The following LINGO2 variants were observed in gnomAD, a reference collection of about 807,000 sequenced individuals.
LINGO2 encodes leucine-rich repeat and immunoglobulin-like domain-containing nogo receptor-interacting protein 2.
In LINGO2, 14 loss-of-function variants were observed where a neutral mutation model predicts 30.6. The ratio of observed to expected loss-of-function variants is 0.46; its 90% CI spans 0.30 to 0.72. The LOEUF (loss-of-function observed/expected upper bound fraction) is 0.72. Ranked by LOEUF, LINGO2 falls within the 30% of genes least tolerant of loss-of-function variation. LINGO2 has a pLI of 0.07. For missense variants in LINGO2, 729 were observed against 751.7 expected, an observed-to-expected ratio of 0.97 and a Z score of 0.35; for synonymous variants, 317 against 288.5, an observed-to-expected ratio of 1.10 and a Z score of -1.00.
the LINGO2 span, among the ~76,000 whole-genome samples, chr9:28,999,651 C>T: frequency 1.3e-5 from 2 of 151,842 alleles, no homozygotes; most frequent in East Asian, 3.9e-4. Flanking sequence ...TTAAATCCTG[C>T]AAAATCTATT....
At chr9:28,906,865 T>C in the LINGO2 span, among the ~76,000 whole-genome samples, 1 of 151,824 alleles carries the variant, frequency 6.6e-6, no homozygotes, top group African/African-American at 2.4e-5. Context: ...ATCAAAAAGC[T>C]TTCATTTTCT....
At chr9:29,072,341 G>A in the LINGO2 span, among the ~76,000 whole-genome samples, 1 of 151,636 alleles carries the variant, frequency 6.6e-6, no homozygotes, top group Non-Finnish European at 1.5e-5. Context: ...GACAGCGAAT[G>A]GAAACATAAG....
intron 3 of LINGO2, among the ~76,000 whole-genome samples, chr9:28,365,903 T>C (rs1343629874): frequency 2.6e-5 from 4 of 152,176 alleles, no homozygotes; most frequent in African/African-American, 9.6e-5. Flanking sequence ...GGTCTGTCTG[T>C]GTGTGACTAA....
intron 1 of LINGO2, among the ~76,000 whole-genome samples, chr9:28,546,890 G>A (rs1821979409): frequency 6.6e-6 from 1 of 151,992 alleles, no homozygotes; most frequent in African/African-American, 2.4e-5. Flanking sequence ...ATGATAATGA[G>A]GACAAATCTC....
intron 2 of LINGO2, among the ~76,000 whole-genome samples, chr9:28,409,984 G>C (rs550832386): frequency 7.1e-6 from 1 of 141,340 alleles, no homozygotes; most frequent in South Asian, 2.3e-4. Flanking sequence ...GAGAAATAAA[G>C]GGAGAAGGAA....
the LINGO2 span, among the ~76,000 whole-genome samples, chr9:28,735,160 A>C: frequency 6.6e-6 from 1 of 152,154 alleles, no homozygotes; most frequent in Non-Finnish European, 1.5e-5. Context: ...AATGAGGTAT[A>C]AGATCTGATT....
intron 4 of LINGO2, among the ~76,000 whole-genome samples, chr9:28,057,585 GTATATACATATATATACA>G (rs1824993091): frequency 4.7e-5 from 1 of 21,230 alleles, no homozygotes; most frequent in Non-Finnish European, 1.3e-4. Context: ...ACACATATAT[GTATATACATATATATACA>G]CATATATGTA....
chr9:28,467,802 T>C (rs541454884), intron 2 of LINGO2, among the ~76,000 whole-genome samples: 12 of 152,276 alleles, frequency 7.9e-5, no homozygotes, highest in Non-Finnish European at 1.3e-4. Flanking sequence ...CTTTGAGTCA[T>C]ATATTAGAGT....
At chr9:28,948,930 G>T in the LINGO2 span, among the ~76,000 whole-genome samples, 1 of 151,752 alleles carries the variant, frequency 6.6e-6, no homozygotes, top group East Asian at 1.9e-4. Context: ...CTAAAAGTTA[G>T]ATATGCAAAA....
intron 4 of LINGO2, among the ~76,000 whole-genome samples, chr9:28,077,510 A>T (rs993888094): frequency 6.6e-6 from 1 of 152,164 alleles, no homozygotes; most frequent in Non-Finnish European, 1.5e-5. Flanking sequence ...AACTATTATT[A>T]AGTCCATCTG....
chr9:28,715,863 A>T, the LINGO2 span, among the ~76,000 whole-genome samples: 1 of 152,088 alleles, frequency 6.6e-6, no homozygotes, highest in Non-Finnish European at 1.5e-5. Flanking sequence ...GCCTGCCTAT[A>T]TTGGACTTGT....
At chr9:28,098,219 C>G (rs1587844393) in intron 4 of LINGO2, among the ~76,000 whole-genome samples, 1 of 151,970 alleles carries the variant, frequency 6.6e-6, no homozygotes, top group Non-Finnish European at 1.5e-5. Context: ...GCAGAAGAAT[C>G]GCTTGAACGC....
chr9:28,402,340 A>T (rs750912503), intron 2 of LINGO2, among the ~76,000 whole-genome samples: 5 of 152,184 alleles, frequency 3.3e-5, no homozygotes, highest in Non-Finnish European at 7.3e-5. Context: ...AAAGAGGAAT[A>T]GTCGCAGTTA....
intron 1 of LINGO2, among the ~76,000 whole-genome samples, chr9:28,632,248 A>C (rs536105307): frequency 6.6e-6 from 1 of 152,250 alleles, no homozygotes; most frequent in African/African-American, 2.4e-5. Context: ...GCATACGTTA[A>C]AGTGGGAGAG....
the LINGO2 span, among the ~76,000 whole-genome samples, chr9:29,046,992 T>C: frequency 5.5e-5 from 1 of 18,118 alleles, no homozygotes; most frequent in Non-Finnish European, 1.4e-4. Flanking sequence ...GGCAGGAGAA[T>C]CACTTGAATC....
At chr9:28,172,762 T>C (rs992458411) in intron 4 of LINGO2, among the ~76,000 whole-genome samples, 2 of 152,200 alleles carry the variant, frequency 1.3e-5, no homozygotes, top group East Asian at 3.9e-4. Context: ...CTCATTCTTC[T>C]AGTTCTCTTC....
the LINGO2 span, among the ~76,000 whole-genome samples, chr9:29,032,213 A>G: frequency 6.6e-6 from 1 of 152,184 alleles, no homozygotes; most frequent in African/African-American, 2.4e-5. Flanking sequence ...ATTTAAAGTT[A>G]TCAGTATATA....
At chr9:28,441,129 C>A (rs1824176005) in intron 2 of LINGO2, among the ~76,000 whole-genome samples, 1 of 151,872 alleles carries the variant, frequency 6.6e-6, no homozygotes. Context: ...CAGTGCAGCA[C>A]AAAGGCCTTC....
the LINGO2 span, among the ~76,000 whole-genome samples, chr9:28,764,627 A>G: frequency 3.9e-5 from 6 of 151,930 alleles, no homozygotes; most frequent in Admixed American, 6.6e-5. Context: ...CTTCTATTCA[A>G]TATAGTACTG....
Sources: allele counts gnomAD v4.1 joint callset (sites outside exome capture counted in the v4.1 genomes callset), GRCh38; gene constraint gnomAD v4.1.1; transcripts MANE v1.5; gene names NCBI Gene and HGNC (gene_info 2026-07-23, HGNC 2026-07-21).